C1orf21: variants seen among roughly 807,000 people sequenced by gnomAD.
The protein encoded by C1orf21 is uncharacterized protein C1orf21.
C1orf21 carries 3 observed loss-of-function variants against 18.7 expected under a neutral mutation model. The observed-to-expected ratio is 0.16, with a 90% CI of 0.07 to 0.42. C1orf21 has a LOEUF of 0.42. C1orf21 is among the 10% of genes least tolerant of loss of function. The pLI is 0.99. For synonymous variants in C1orf21, 41 were observed against 46.4 expected (o/e 0.88, Z 0.47); for missense variants, 104 against 143.6 (o/e 0.72, Z 1.41).
intron 2 of C1orf21, among the ~76,000 whole-genome samples, chr1:184,497,785 G>A (rs1036127243): frequency 1.3e-5 from 2 of 152,088 alleles, no homozygotes; most frequent in African/African-American, 4.8e-5. Flanking sequence ...CAGGCCTCCT[G>A]GAAGCCAGCT....
At chr1:184,535,133 A>T (rs1658531964) in intron 3 of C1orf21, among the ~76,000 whole-genome samples, 1 of 152,350 alleles carries the variant, frequency 6.6e-6, no homozygotes, top group South Asian at 2.1e-4. Context: ...CTACAAGTAC[A>T]GTGAGACAGG....
intron 3 of C1orf21, among the ~76,000 whole-genome samples, chr1:184,518,314 C>G (rs1202285076): frequency 6.6e-6 from 1 of 152,158 alleles, no homozygotes; most frequent in Non-Finnish European, 1.5e-5. Context: ...CACAAAATTG[C>G]TTTGTAAACA....
chr1:184,517,302 T>C (rs1343079072), intron 3 of C1orf21, among the ~76,000 whole-genome samples: 1 of 152,226 alleles, frequency 6.6e-6, no homozygotes, highest in Non-Finnish European at 1.5e-5. Context: ...GTACTATGTT[T>C]ACTTTTCCTA....
chr1:184,529,592 G>C (rs1289540824), intron 3 of C1orf21, among the ~76,000 whole-genome samples: 1 of 152,112 alleles, frequency 6.6e-6, no homozygotes, highest in East Asian at 1.9e-4. Context: ...GTATCATATT[G>C]GATCATTATT....
chr1:184,616,348 C>T (rs1380607735), intron 5 of C1orf21, among the ~76,000 whole-genome samples: 1 of 152,230 alleles, frequency 6.6e-6, no homozygotes, highest in African/African-American at 2.4e-5. Flanking sequence ...TGAGCTTCCC[C>T]CGCAAGCATT....
intron 3 of C1orf21, among the ~76,000 whole-genome samples, chr1:184,573,728 A>C (rs1368614719): frequency 6.6e-6 from 1 of 152,204 alleles, no homozygotes; most frequent in Non-Finnish European, 1.5e-5. Flanking sequence ...GCCTGGAATT[A>C]AAAATTCAAC....
chr1:184,418,593 T>C (rs1279598325), intron 1 of C1orf21, among the ~76,000 whole-genome samples: 2 of 152,208 alleles, frequency 1.3e-5, no homozygotes, highest in East Asian at 3.8e-4. Flanking sequence ...TCTGTTGGGC[T>C]TGTGAAATGG....
intron 3 of C1orf21, among the ~76,000 whole-genome samples, chr1:184,570,294 A>G (rs1398851712): frequency 1.3e-5 from 2 of 152,180 alleles, no homozygotes; most frequent in Non-Finnish European, 2.9e-5. Flanking sequence ...GAATGTTTAA[A>G]TAATGTTTAA....
intron 3 of C1orf21, among the ~76,000 whole-genome samples, chr1:184,546,762 A>C (rs1571408907): frequency 6.6e-6 from 1 of 152,074 alleles, no homozygotes; most frequent in Non-Finnish European, 1.5e-5. Flanking sequence ...GTATATGAAA[A>C]CCTGTAGGCA....
At chr1:184,481,622 G>A (rs1339715624) in intron 2 of C1orf21, among the ~76,000 whole-genome samples, 2 of 152,140 alleles carry the variant, frequency 1.3e-5, no homozygotes, top group Non-Finnish European at 2.9e-5. Flanking sequence ...TGTAGTTCAT[G>A]CCATAAAGCG....
intron 3 of C1orf21, among the ~76,000 whole-genome samples, chr1:184,541,240 T>C (rs1658645993): frequency 6.6e-6 from 1 of 152,222 alleles, no homozygotes; most frequent in Non-Finnish European, 1.5e-5. Flanking sequence ...GCAGTACAGA[T>C]GAAATATAAA....
chr1:184,510,689 C>A (rs937647396), intron 3 of C1orf21, among the ~76,000 whole-genome samples: 1 of 152,172 alleles, frequency 6.6e-6, no homozygotes, highest in Non-Finnish European at 1.5e-5. Context: ...AGATTAGAAT[C>A]AAAACCCAGA....
At chr1:184,618,517 TATAG>T (rs1659865958) in intron 5 of C1orf21, among the ~76,000 whole-genome samples, 1 of 152,138 alleles carries the variant, frequency 6.6e-6, no homozygotes, top group Non-Finnish European at 1.5e-5. Context: ...ATTTCTGTTA[TATAG>T]ATAATGTGAC....
At position 184,468,028 on chromosome 1, in the gene C1orf21, AACAG is replaced by A. The variant is rs1486358809; in HGVS notation, c.-124-9350_-124-9347del. Among the ~76,000 whole-genome samples the A allele has an allele frequency of 8.0e-5, 12 of 149,504 alleles. No homozygotes were observed. The South Asian group carries it at 8.4e-4, about 11-fold the overall frequency. On this transcript the variant is annotated intron_variant, in intron 1 of 5. Coordinates refer to ENST00000235307, the MANE Select transcript of C1orf21 (RefSeq NM_030806.4). ...TGTGTGTGTGAGAGAGAGAGAGAGA[AACAG>A]ACAGACAAAGAGAGATTGAGAGAGA...
chr1:184,563,976 A>G (rs1658999606), intron 3 of C1orf21, among the ~76,000 whole-genome samples: 1 of 152,216 alleles, frequency 6.6e-6, no homozygotes, highest in Admixed American at 6.5e-5. Context: ...TAGTACTTAT[A>G]TCGTAAGGCT....
At chr1:184,447,503 C>G (rs2207522) in intron 1 of C1orf21, among the ~76,000 whole-genome samples, 18 of 151,994 alleles carry the variant, frequency 1.2e-4, no homozygotes, top group Non-Finnish European at 1.2e-4. Context: ...TACTCTTTAT[C>G]TCCACCTAAC....
chr1:184,539,275 G>A (rs1255388035), intron 3 of C1orf21, among the ~76,000 whole-genome samples: 1 of 151,942 alleles, frequency 6.6e-6, no homozygotes, highest in East Asian at 1.9e-4. Context: ...CCTTTATTCT[G>A]TAAATGTGGT....
chr1:184,580,845 G>A lies in C1orf21; in HGVS notation c.190-9894G>A, dbSNP rs940168023. Reference sequence around the variant, plus strand: ...AACTAGTCAGTACAAATTTATTTTGGTGGAAAAAATTTTGAAATCCATGCA... The same window carrying A: ...AACTAGTCAGTACAAATTTATTTTGATGGAAAAAATTTTGAAATCCATGCA... On this transcript the variant is annotated intron_variant, in intron 3 of 5. Transcript: ENST00000235307. Among the ~76,000 whole-genome samples the A allele has an allele frequency of 1.2e-4, 19 of 152,218 alleles. No individual in the cohort carries two copies. In the East Asian group the frequency reaches 3.5e-3, roughly 28 times the overall value.
chr1:184,596,873 C>CA lies in C1orf21; in HGVS notation c.267-1513dup, dbSNP rs11291932. On this transcript the variant is annotated intron_variant, in intron 4 of 5. Transcript: ENST00000235307. ...GCGAAAGTGCGAGACGACTCTGTCT[C>CA]AAAAAAAAAAAAAAAGAAAGAAAGA... Among the ~76,000 whole-genome samples, 199 of 123,408 alleles carry CA rather than the reference C, an allele frequency of 1.6e-3. 2 individuals carry two copies. Among genetic ancestry groups the CA allele is most frequent in the African/African-American group, 2.9e-3 (101 of 35,152 alleles). 81.0% of individuals were successfully genotyped at this position (123,408 alleles called of 152,430 possible). A position where few individuals can be genotyped will look rare whatever the true frequency, so the allele number is the denominator to read the frequency against.
Sources: allele counts gnomAD v4.1 joint callset (sites outside exome capture counted in the v4.1 genomes callset), GRCh38; gene constraint gnomAD v4.1.1; transcripts MANE v1.5; gene names NCBI Gene and HGNC (gene_info 2026-07-23, HGNC 2026-07-21).